Variants in COBL observed in about 807,000 individuals in gnomAD.
The protein encoded by COBL is protein cordon-bleu.
In COBL, 51 loss-of-function variants were observed where a neutral mutation model predicts 98.8. The ratio of observed to expected loss-of-function variants is 0.52; its 90% CI spans 0.41 to 0.65. COBL has a LOEUF of 0.65. Ranked by LOEUF, COBL falls within the 30% of genes least tolerant of loss-of-function variation. The pLI is 0.00. For missense variants in COBL, 1,617 were observed against 1,617.5 expected (o/e 1.00, Z 0.01); for synonymous variants, 634 against 651.7 (o/e 0.97, Z 0.41).
chr7:51,219,898 T>C lies in COBL; in HGVS notation c.88A>G (p.Thr30Ala). 1 of 1,612,232 alleles carries C rather than the reference T, an allele frequency of 6.2e-7. No homozygotes were observed. The highest frequency in any genetic ancestry group is 8.5e-7 in the Non-Finnish European group (1 of 1,179,890). The change falls in exon 2 of 13, where the codon ACT becomes GCT. Residue 30 changes from threonine (T) to alanine (A), a missense_variant. Transcript: ENST00000265136. ...RAPPPPGKAATLHVHSDQKPP... is the reference protein window; with the variant it reads ...RAPPPPGKAAALHVHSDQKPP... ...TTCTGGTCACTGTGCACATGCAGAG[T>C]GGCAGCCTTTCCAGGAGGTGGGGGA...
Position 51,020,627 on chromosome 7 carries a change from C to T in COBL, c.3769-3059G>A, listed in dbSNP as rs79157559. Among the ~76,000 whole-genome samples, 23 of 152,270 alleles carry T rather than the reference C, an allele frequency of 1.5e-4. No individual in the cohort carries two copies. The East Asian group carries it at 4.1e-3, about 27-fold the overall frequency. Reference sequence around the variant, plus strand: ...CATACAGCTTTGCCTTTAATAAGAACGCAGGGCTGAGTGGAAGCAAGCACT... The same window carrying T: ...CATACAGCTTTGCCTTTAATAAGAATGCAGGGCTGAGTGGAAGCAAGCACT... On this transcript the variant is annotated intron_variant, in intron 12 of 12. Transcript: ENST00000265136.
intron 1 of COBL, among the ~76,000 whole-genome samples, chr7:51,312,481 T>C (rs1803153108): frequency 6.6e-6 from 1 of 152,234 alleles, no homozygotes; most frequent in Admixed American, 6.5e-5. Flanking sequence ...TGCTCACTTT[T>C]CAAAACTGCA....
chr7:51,036,170 C>G (rs944049616), intron 8 of COBL, among the ~76,000 whole-genome samples: 5 of 151,886 alleles, frequency 3.3e-5, no homozygotes, highest in African/African-American at 1.2e-4. Flanking sequence ...GGCGAAACCC[C>G]ATCTCTACTA....
intron 7 of COBL, among the ~76,000 whole-genome samples, chr7:51,061,547 G>A (rs964935789): frequency 1.3e-5 from 2 of 152,022 alleles, no homozygotes; most frequent in Non-Finnish European, 2.9e-5. Context: ...GTTGGCAAGG[G>A]GTGAATTTGC....
intron 6 of COBL, among the ~76,000 whole-genome samples, chr7:51,122,934 G>A (rs1158451352): frequency 6.6e-6 from 1 of 150,654 alleles, no homozygotes; most frequent in Non-Finnish European, 1.5e-5. Context: ...GGCTGAGATC[G>A]CACCACTGAC....
At chr7:51,245,589 T>C (rs751957615) in intron 1 of COBL, among the ~76,000 whole-genome samples, 14 of 152,190 alleles carry the variant, frequency 9.2e-5, no homozygotes, top group Non-Finnish European at 1.9e-4. Flanking sequence ...TATAAAAATA[T>C]ATAAAATTAG....
At chr7:51,276,997 G>A (rs1046301291) in intron 1 of COBL, among the ~76,000 whole-genome samples, 1 of 152,136 alleles carries the variant, frequency 6.6e-6, no homozygotes, top group Non-Finnish European at 1.5e-5. Context: ...GATGGTGAGG[G>A]CCAGAAGACA....
intron 6 of COBL, among the ~76,000 whole-genome samples, chr7:51,127,507 T>G (rs1403966824): frequency 6.6e-6 from 1 of 152,208 alleles, no homozygotes; most frequent in Non-Finnish European, 1.5e-5. Context: ...ACTGGCTGCA[T>G]TTTGCTTTGG....
intron 2 of COBL, among the ~76,000 whole-genome samples, chr7:51,204,017 T>C (rs933722757): frequency 6.6e-6 from 1 of 152,188 alleles, no homozygotes; most frequent in African/African-American, 2.4e-5. Flanking sequence ...TTTAAAGGAT[T>C]ATACTCCACA....
At chr7:51,063,003 G>T (rs1198318050) in intron 7 of COBL, among the ~76,000 whole-genome samples, 1 of 152,172 alleles carries the variant, frequency 6.6e-6, no homozygotes, top group African/African-American at 2.4e-5. Flanking sequence ...TTTATAAGCT[G>T]TAGGGGGCAC....
rs1798936481 is a variant in COBL, at chr7:51,133,454, G to C, written c.957+2704C>G. 2.6e-5 allele frequency among the ~76,000 whole-genome samples: 4 copies of C among 152,168 alleles called. No individual in the cohort carries two copies. In the South Asian group the frequency reaches 8.3e-4, roughly 31 times the overall value. On this transcript the variant is annotated intron_variant, in intron 6 of 12. Transcript: ENST00000265136. Reference sequence around the variant, plus strand: ...TGAGGGAGGTAGTTTGCTATGAAGGGGTGGTTCTCAAAGTGGGGTTCACCG... The same window carrying C: ...TGAGGGAGGTAGTTTGCTATGAAGGCGTGGTTCTCAAAGTGGGGTTCACCG...
intron 7 of COBL, among the ~76,000 whole-genome samples, chr7:51,056,760 A>C (rs1215151456): frequency 6.6e-6 from 1 of 151,668 alleles, no homozygotes; most frequent in Non-Finnish European, 1.5e-5. Flanking sequence ...ATTAAAAGTG[A>C]GTGGAGAAAA....
At chr7:51,061,716 A>T (rs184936666) in intron 7 of COBL, among the ~76,000 whole-genome samples, 108 of 152,238 alleles carry the variant, frequency 7.1e-4, no homozygotes, top group African/African-American at 2.6e-3. Context: ...GAGGGTCTGA[A>T]CAGAACAAAA....
intron 5 of COBL, among the ~76,000 whole-genome samples, chr7:51,182,478 C>T (rs1210363353): frequency 6.6e-6 from 1 of 152,050 alleles, no homozygotes; most frequent in East Asian, 1.9e-4. Context: ...GACGGGGTTT[C>T]ACTGCATTGG....
intron 1 of COBL, among the ~76,000 whole-genome samples, chr7:51,225,409 C>T (rs1794088848): frequency 3.3e-5 from 5 of 152,204 alleles, no homozygotes; most frequent in African/African-American, 1.2e-4. Context: ...CCGGCTCCTG[C>T]TGGGCACACC....
intron 1 of COBL, among the ~76,000 whole-genome samples, chr7:51,262,125 C>T (rs993993246): frequency 7.2e-5 from 11 of 152,248 alleles, no homozygotes; most frequent in East Asian, 5.8e-4. Context: ...CCAGGCTCAC[C>T]GCACTCACCG....
rs928183235 is a variant in COBL at position 51,149,414 on chromosome 7, C to T, written c.784-13083G>A. On this transcript the variant is annotated intron_variant, in intron 5 of 12. Transcript: ENST00000265136. ...ACCTATCTTCACACTACAAGCAAAA[C>T]CCCATCCCTACTTTGTCTACAATTT... Among the ~76,000 whole-genome samples, 9 of 152,196 alleles carry T rather than the reference C, an allele frequency of 5.9e-5. No homozygotes were observed. In the East Asian group the frequency reaches 7.7e-4, roughly 13 times the overall value.
At chr7:51,314,823 T>C (rs1346603517) in intron 1 of COBL, among the ~76,000 whole-genome samples, 3 of 152,196 alleles carry the variant, frequency 2.0e-5, no homozygotes, top group Non-Finnish European at 2.9e-5. Context: ...AATCCTTAGT[T>C]TTACTTTGCA....
chr7:51,273,795 C>T (rs1314747286), intron 1 of COBL, among the ~76,000 whole-genome samples: 1 of 152,194 alleles, frequency 6.6e-6, no homozygotes, highest in Non-Finnish European at 1.5e-5. Flanking sequence ...TAATTAAATA[C>T]AATTCCCAAA....
Sources: gnomAD v4.1 joint callset for allele counts (sites outside exome capture counted in the v4.1 genomes callset) on GRCh38, gnomAD v4.1.1 for gene constraint, MANE v1.5 for transcripts, NCBI Gene and HGNC (gene_info 2026-07-23, HGNC 2026-07-21) for gene names.